The following PRKD3 variants were observed in gnomAD, a reference collection of about 807,000 sequenced individuals.
PRKD3 encodes protein kinase D3, also known as serine/threonine-protein kinase D3.
In PRKD3, 47 loss-of-function variants were observed where a neutral mutation model predicts 99.2. The ratio of observed to expected loss-of-function variants is 0.47; its 90% CI spans 0.38 to 0.60. The LOEUF is 0.60. PRKD3 is among the 20% of genes least tolerant of loss of function. The pLI is 0.00. For missense variants in PRKD3, 1,019 were observed against 1,088.4 expected (o/e 0.94, Z 0.90); for synonymous variants, 392 against 355.4 (o/e 1.10, Z -1.16).
rs575536821 is a variant in PRKD3, at chr2:37,255,873, G to A, written c.2413+789C>T. 5.9e-5 allele frequency among the ~76,000 whole-genome samples: 9 copies of A among 152,184 alleles called. No individual in the cohort carries two copies. The South Asian group carries it at 1.9e-3, about 32-fold the overall frequency. ...ATTTAAAAATTAGCCAGGTGTGGGT[G>A]GCCCATGGTGCATACCCATCATCCC... On this transcript the variant is annotated intron_variant, in intron 17 of 18. Coordinates refer to ENST00000234179, the MANE Select transcript of PRKD3 (RefSeq NM_005813.6).
chr2:37,319,911 A>G (rs1389281895), intron 1 of PRKD3, among the ~76,000 whole-genome samples: 1 of 152,228 alleles, frequency 6.6e-6, no homozygotes, highest in Non-Finnish European at 1.5e-5. Flanking sequence ...GGGTAGACGA[A>G]AAATGAAGAT....
At chr2:37,258,623 T>C (rs1668166480) in intron 16 of PRKD3, among the ~76,000 whole-genome samples, 1 of 152,210 alleles carries the variant, frequency 6.6e-6, no homozygotes, top group East Asian at 1.9e-4. Flanking sequence ...AATGAGATAA[T>C]ATATGGAAGC....
intron 2 of PRKD3, among the ~76,000 whole-genome samples, chr2:37,302,500 G>A (rs2124872547): frequency 6.6e-6 from 1 of 152,222 alleles, no homozygotes; most frequent in African/African-American, 2.4e-5. Context: ...TTAAGTAAAA[G>A]GTTCCAATAG....
chr2:37,287,902 AAGTTCTT>A (rs1170263131), intron 5 of PRKD3, among the ~76,000 whole-genome samples: 3 of 152,322 alleles, frequency 2.0e-5, no homozygotes, highest in African/African-American at 7.2e-5. Flanking sequence ...TTGGAAAATA[AAGTTCTT>A]CTTTTTGAGA....
chr2:37,318,893 T>A (rs1671768012), intron 1 of PRKD3, among the ~76,000 whole-genome samples: 2 of 152,250 alleles, frequency 1.3e-5, no homozygotes, highest in Admixed American at 1.3e-4. Context: ...AAAGCAAATT[T>A]CAGAAATTAC....
Position 37,272,471 on chromosome 2 carries a change from A to T in PRKD3, c.1652-39T>A, listed in dbSNP as rs143045800. 4.4e-4 allele frequency: 699 copies of T among 1,571,128 alleles called. 1 individual carries two copies. In the Middle Eastern group the frequency reaches 9.0e-3, roughly 20 times the overall value. ...AAAAGACAAAATTTAGTATATGACA[A>T]TATTATTAATCTTTACTGACATGTG... On this transcript the variant is annotated intron_variant, in intron 11 of 18. Coordinates refer to ENST00000234179, the MANE Select transcript of PRKD3 (RefSeq NM_005813.6).
chr2:37,262,020 G>A (rs1166498403), intron 14 of PRKD3, among the ~76,000 whole-genome samples: 1 of 152,204 alleles, frequency 6.6e-6, no homozygotes, highest in Admixed American at 6.5e-5. Context: ...AAGCGACTGT[G>A]CTTAAGGTAG....
rs539051125 is a variant in PRKD3, at chr2:37,252,791, T to G, written c.*386A>C. On this transcript the variant is annotated 3_prime_UTR_variant, in exon 19 of 19. Transcript: ENST00000234179. ...TAATTTAGCCAAGCTATATAGTAAC[T>G]GGATGCTAGCTTGACTTGTTTTTCA... 6.6e-6 allele frequency: 1 copy of G among 150,994 alleles called. No individual in the cohort carries two copies. Among genetic ancestry groups the G allele is most frequent in the Admixed American group, 6.6e-5 (1 of 15,070 alleles). The allele number at this position is 150,994 out of a possible 1,614,324, so 9.4% of individuals were successfully genotyped here. A position where few individuals can be genotyped will look rare whatever the true frequency, so the allele number is the denominator to read the frequency against.
chr2:37,289,582 A>G lies in PRKD3; in HGVS notation c.560-69T>C, dbSNP rs924856299. The G allele has an allele frequency of 8.8e-6, 11 of 1,251,220 alleles. No homozygotes were observed. In the Admixed American group the frequency reaches 9.3e-5, roughly 11 times the overall value. 77.5% of individuals were successfully genotyped at this position (1,251,220 alleles called of 1,614,324 possible). A position where few individuals can be genotyped will look rare whatever the true frequency, so the allele number is the denominator to read the frequency against. On this transcript the variant is annotated intron_variant, in intron 4 of 18. Coordinates refer to ENST00000234179, the MANE Select transcript of PRKD3 (RefSeq NM_005813.6). ...TTTACTATTTAAGTGTGATACATAAAAACCACTGCTTCTTTTATTTAACAT... is the reference window on the plus strand; with the variant it reads ...TTTACTATTTAAGTGTGATACATAAGAACCACTGCTTCTTTTATTTAACAT...
chr2:37,282,417 TAAATC>T (rs1669895456), intron 7 of PRKD3, 120 bp downstream of exon 7: 1 of 670,750 alleles, frequency 1.5e-6, no homozygotes, highest in African/African-American at 1.8e-5. Context: ...GTTTGATTAT[TAAATC>T]AGAAGAAAAT....
chr2:37,285,242 A>G (rs1349886762), intron 6 of PRKD3, among the ~76,000 whole-genome samples: 1 of 152,226 alleles, frequency 6.6e-6, no homozygotes. Context: ...AAAAGTTTCT[A>G]CTGTACAGCA....
chr2:37,257,276 T>C (rs1668027223), intron 16 of PRKD3, among the ~76,000 whole-genome samples: 1 of 152,154 alleles, frequency 6.6e-6, no homozygotes, highest in African/African-American at 2.4e-5. Context: ...CACTCTTCCA[T>C]CATCTGTGAG....
In PRKD3 at chr2:37,253,282, T is replaced by C. The variant is rs1667659119; in HGVS notation, c.2568A>G (p.Glu856=). 1 of 1,613,082 alleles carries C rather than the reference T, an allele frequency of 6.2e-7. No homozygotes were observed. Among genetic ancestry groups the C allele is most frequent in the African/African-American group, 1.3e-5 (1 of 74,906 alleles). The change falls in exon 19 of 19, where the codon GAA becomes GAG. Residue 856 remains glutamate (E), a synonymous_variant. Transcript: ENST00000234179. ...GTATTTCCCAGCGAGCATCATCACT[T>C]TCATGTGTAATGTAACGTTCTCCAA... The part of the protein sequence containing the change: ...TRIGERYITH[E]SDDARWEIHA...
In PRKD3 at chr2:37,253,057, C is replaced by T. The variant is rs78325471; in HGVS notation, c.*120G>A. The T allele has an allele frequency of 1.1e-3, 1,212 of 1,061,196 alleles. 11 individuals carry two copies. In the African/African-American group the frequency reaches 0.016, roughly 14 times the overall value. The allele number at this position is 1,061,196 out of a possible 1,614,324, so 65.7% of individuals were successfully genotyped here. ...AACTACAGTACTGGTGTCACTTATT[C>T]GTTATCATATTTCTTCATATCTTTG... On this transcript the variant is annotated 3_prime_UTR_variant, in exon 19 of 19. Transcript: ENST00000234179.
intron 1 of PRKD3, among the ~76,000 whole-genome samples, chr2:37,321,641 C>T (rs1424861595): frequency 1.3e-5 from 2 of 152,228 alleles, no homozygotes; most frequent in African/African-American, 4.8e-5. Context: ...GACATGGCCA[C>T]TGCTCTCTCT....
At chr2:37,262,213 C>G (rs1668517366) in intron 14 of PRKD3, among the ~76,000 whole-genome samples, 1 of 152,108 alleles carries the variant, frequency 6.6e-6, no homozygotes, top group African/African-American at 2.4e-5. Flanking sequence ...TGTTTTTGGC[C>G]TATGTGAGGC....
chr2:37,287,191 T>C (rs1277303038), intron 5 of PRKD3, among the ~76,000 whole-genome samples: 4 of 122,148 alleles, frequency 3.3e-5, no homozygotes, highest in African/African-American at 9.7e-5. Context: ...GATCATGCCA[T>C]TGGACTCCAG....
chr2:37,293,119 A>G lies in PRKD3; in HGVS notation c.427+14T>C. 1 of 1,545,550 alleles carries G rather than the reference A, an allele frequency of 6.5e-7. No homozygotes were observed. The highest frequency in any genetic ancestry group is 8.8e-7 in the Non-Finnish European group (1 of 1,130,202). The stretch of plus-strand genomic sequence containing the variant: ...AGGGGAAAAGGCAATCACTCTAAAA[A>G]GCCACTTACTTACCTGAAAGAACCA... On this transcript the variant is annotated intron_variant, in intron 3 of 18. Transcript: ENST00000234179.
At chr2:37,259,527 T>G in intron 16 of PRKD3, 56 bp downstream of exon 16, 1 of 1,357,820 alleles carries the variant, frequency 7.4e-7, no homozygotes, top group Non-Finnish European at 1.0e-6. Context: ...TTTTATTATG[T>G]GGGTGCTTTG....
Sources: gnomAD v4.1 joint callset for allele counts (sites outside exome capture counted in the v4.1 genomes callset) on GRCh38, gnomAD v4.1.1 for gene constraint, MANE v1.5 for transcripts, NCBI Gene and HGNC (gene_info 2026-07-23, HGNC 2026-07-21) for gene names.